Variants in FSTL4 observed in about 807,000 individuals in gnomAD.
FSTL4 encodes follistatin-related protein 4.
A neutral mutation model predicts 78.2 loss-of-function variants in FSTL4; 28 were observed. That is an observed-to-expected ratio of 0.36 (90% CI 0.27 to 0.49). The LOEUF is 0.49. FSTL4 is among the 20% of genes least tolerant of loss of function. The pLI, the probability that FSTL4 is intolerant of heterozygous loss-of-function variation, is 0.98. For missense variants in FSTL4, 922 were observed against 1,084.9 expected, an observed-to-expected ratio of 0.85 and a Z score of 2.11; for synonymous variants, 422 against 440.5, an observed-to-expected ratio of 0.96 and a Z score of 0.53.
the FSTL4 span, among the ~76,000 whole-genome samples, chr5:133,654,509 C>T: frequency 3.0e-3 from 451 of 152,318 alleles, 3 homozygotes; most frequent in African/African-American, 0.01. Flanking sequence ...TCTTACAGGT[C>T]TTTGGACTGC....
rs554871984 is a variant in FSTL4 at position 133,450,369 on chromosome 5, G to C, written c.161-49383C>G. Among the ~76,000 whole-genome samples, 42 of 152,336 alleles carry C rather than the reference G, an allele frequency of 2.8e-4. No homozygotes were observed. The South Asian group carries it at 7.9e-3, about 29-fold the overall frequency. On this transcript the variant is annotated intron_variant, in intron 3 of 15. Transcript: ENST00000265342. Reference sequence around the variant, plus strand: ...TGATGGGCCCCTCAGGAGCTGGGAGGCTCAGCCAGGACTGTGCCCTAATGG... The same window carrying C: ...TGATGGGCCCCTCAGGAGCTGGGAGCCTCAGCCAGGACTGTGCCCTAATGG...
At chr5:133,240,094 C>T (rs557759256) in intron 7 of FSTL4, among the ~76,000 whole-genome samples, 2 of 152,330 alleles carry the variant, frequency 1.3e-5, no homozygotes, top group African/African-American at 2.4e-5. Flanking sequence ...TTATCAGCTG[C>T]AACACTCACC....
chr5:133,506,393 A>T (rs1439574893), intron 3 of FSTL4, among the ~76,000 whole-genome samples: 1 of 152,148 alleles, frequency 6.6e-6, no homozygotes, highest in Non-Finnish European at 1.5e-5. Context: ...CACACAGATG[A>T]GTTGATTCTA....
chr5:133,604,800 A>G (rs1461434415), intron 1 of FSTL4, among the ~76,000 whole-genome samples: 2 of 152,228 alleles, frequency 1.3e-5, no homozygotes, highest in Non-Finnish European at 1.5e-5. Context: ...GAGCTTCAAA[A>G]TGGCATCATA....
At chr5:133,625,211 A>G in the FSTL4 span, among the ~76,000 whole-genome samples, 1 of 151,558 alleles carries the variant, frequency 6.6e-6, no homozygotes, top group Non-Finnish European at 1.5e-5. Context: ...TAGGTCCTCA[A>G]ACATTTTGTA....
intron 7 of FSTL4, among the ~76,000 whole-genome samples, chr5:133,237,312 C>T (rs961594478): frequency 1.2e-4 from 19 of 152,300 alleles, no homozygotes; most frequent in African/African-American, 4.3e-4. Flanking sequence ...AAGCCCATCG[C>T]GCATGGATTC....
the FSTL4 span, among the ~76,000 whole-genome samples, chr5:133,764,796 C>A: frequency 6.6e-6 from 1 of 152,242 alleles, no homozygotes; most frequent in Admixed American, 6.5e-5. Context: ...CGATCCGAAT[C>A]TTCAGATCTT....
At chr5:133,683,162 A>G in the FSTL4 span, among the ~76,000 whole-genome samples, 5 of 152,206 alleles carry the variant, frequency 3.3e-5, no homozygotes, top group Non-Finnish European at 5.9e-5. Flanking sequence ...CAAGGTTTGC[A>G]TATTTTGAGA....
At chr5:133,518,180 G>A (rs1043712450) in intron 3 of FSTL4, among the ~76,000 whole-genome samples, 1 of 152,146 alleles carries the variant, frequency 6.6e-6, no homozygotes, top group African/African-American at 2.4e-5. Context: ...CAAACCTTCT[G>A]TTTATCAGGC....
intron 6 of FSTL4, among the ~76,000 whole-genome samples, chr5:133,255,700 C>A (rs190654994): frequency 6.6e-6 from 1 of 152,206 alleles, no homozygotes; most frequent in Non-Finnish European, 1.5e-5. Flanking sequence ...CACAAACACC[C>A]GTCCTCACCT....
the FSTL4 span, among the ~76,000 whole-genome samples, chr5:133,823,734 G>A: frequency 3.3e-5 from 5 of 152,144 alleles, no homozygotes; most frequent in Non-Finnish European, 5.9e-5. Flanking sequence ...TGTAAAATGA[G>A]GAGGCTGATT....
At chr5:133,535,030 AAGGTTAACTGTGGTCGTAAGG>A (rs1380164132) in intron 3 of FSTL4, among the ~76,000 whole-genome samples, 1 of 152,220 alleles carries the variant, frequency 6.6e-6, no homozygotes, top group Non-Finnish European at 1.5e-5. Context: ...GAAGGTAATT[AAGGTTAACTGTGGTCGTAAGG>A]AGGGGGGTTA....
At chr5:133,482,737 C>T (rs929075915) in intron 3 of FSTL4, among the ~76,000 whole-genome samples, 3 of 152,134 alleles carry the variant, frequency 2.0e-5, no homozygotes, top group African/African-American at 4.8e-5. Context: ...GAGTGGGGAT[C>T]CCAAGGCCTC....
At chr5:133,809,822 C>T in the FSTL4 span, among the ~76,000 whole-genome samples, 3 of 152,148 alleles carry the variant, frequency 2.0e-5, no homozygotes, top group Non-Finnish European at 4.4e-5. Context: ...TCTTCCCAGC[C>T]TGACAGTCCA....
At chr5:133,522,042 T>G (rs1758991730) in intron 3 of FSTL4, among the ~76,000 whole-genome samples, 1 of 152,170 alleles carries the variant, frequency 6.6e-6, no homozygotes, top group Non-Finnish European at 1.5e-5. Flanking sequence ...CAAAGCAGAA[T>G]AAGGGTATAG....
the FSTL4 span, among the ~76,000 whole-genome samples, chr5:133,625,724 CATAT>C: frequency 5.1e-5 from 3 of 58,820 alleles, no homozygotes; most frequent in African/African-American, 2.1e-4. Context: ...GAGACAGTTC[CATAT>C]ATATATATAT....
chr5:133,745,139 T>C, the FSTL4 span, among the ~76,000 whole-genome samples: 2 of 152,246 alleles, frequency 1.3e-5, no homozygotes, highest in Non-Finnish European at 2.9e-5. Flanking sequence ...AGACACTCAC[T>C]GCTAGCCCAT....
intron 2 of FSTL4, among the ~76,000 whole-genome samples, chr5:133,600,257 C>T (rs1760835729): frequency 6.6e-6 from 1 of 152,110 alleles, no homozygotes; most frequent in Admixed American, 6.5e-5. Context: ...TAAGTGTAGG[C>T]TAATGTCAGT....
chr5:133,822,759 T>A, the FSTL4 span, among the ~76,000 whole-genome samples: 43,383 of 151,994 alleles, frequency 0.29, 6,531 homozygotes, highest in East Asian at 0.49. Flanking sequence ...ACATCCTTTT[T>A]CGGACCCACG....
Sources: allele counts gnomAD v4.1 joint callset (sites outside exome capture counted in the v4.1 genomes callset), GRCh38; gene constraint gnomAD v4.1.1; transcripts MANE v1.5; gene names NCBI Gene and HGNC (gene_info 2026-07-23, HGNC 2026-07-21).